CMSS1: variants seen among roughly 807,000 people sequenced by gnomAD.
CMSS1 encodes the protein cms1 ribosomal small subunit homolog.
A neutral mutation model predicts 43.5 loss-of-function variants in CMSS1; 33 were observed. That is an observed-to-expected ratio of 0.76 (90% CI 0.57 to 1.01). The LOEUF (loss-of-function observed/expected upper bound fraction) is 1.01, where lower values mean the gene tolerates loss of function less well. Among genes scored for constraint, CMSS1 ranks in the 50% least tolerant of loss-of-function variants. The pLI, the probability that CMSS1 is intolerant of heterozygous loss-of-function variation, is 0.00. For synonymous variants in CMSS1, 115 were observed against 117.2 expected (o/e 0.98, Z 0.12); for missense variants, 313 against 326.4 (o/e 0.96, Z 0.32).
At chr3:99,848,704 C>A in intron 1 of CMSS1, 1 of 1,614,162 alleles carries the variant, frequency 6.2e-7, no homozygotes, top group Middle Eastern at 1.7e-4. Context: ...AGTTAGAGAA[C>A]CACAAGACTC....
chr3:99,896,735 G>A (rs1173227077), intron 1 of CMSS1, among the ~76,000 whole-genome samples: 2 of 152,204 alleles, frequency 1.3e-5, no homozygotes, highest in African/African-American at 4.8e-5. Flanking sequence ...CCTTTGTTCA[G>A]TAGAGTTTTG....
At chr3:100,071,090 C>CTTTTTTTTTT (rs61563009) in intron 1 of CMSS1, among the ~76,000 whole-genome samples, 3 of 70,576 alleles carry the variant, frequency 4.3e-5, no homozygotes, top group African/African-American at 6.1e-5. Context: ...GCTACTCTCT[C>CTTTTTTTTTT]TTTTTTTTTT....
At chr3:99,943,924 G>C (rs187317358) in intron 1 of CMSS1, among the ~76,000 whole-genome samples, 1 of 152,254 alleles carries the variant, frequency 6.6e-6, no homozygotes, top group East Asian at 1.9e-4. Flanking sequence ...GTTTTATAGG[G>C]TTATTGGGAG....
chr3:99,924,416 A>G, intron 1 of CMSS1: 2 of 1,613,182 alleles, frequency 1.2e-6, no homozygotes. Context: ...CAACTACGAA[A>G]GAAAACATTT....
chr3:99,905,627 A>G (rs1036509832), intron 1 of CMSS1, among the ~76,000 whole-genome samples: 5 of 152,346 alleles, frequency 3.3e-5, no homozygotes, highest in Non-Finnish European at 7.4e-5. Flanking sequence ...TGTACTATAT[A>G]GTCTCTATCC....
intron 1 of CMSS1, among the ~76,000 whole-genome samples, chr3:99,951,260 G>C (rs1708168136): frequency 6.6e-6 from 1 of 152,096 alleles, no homozygotes. Flanking sequence ...CACTCTAGTA[G>C]CACTAAGACC....
rs988052480 is a variant in CMSS1, at chr3:100,179,237, C to T, written c.*849C>T. On this transcript the variant is annotated 3_prime_UTR_variant, in exon 10 of 10. Coordinates refer to ENST00000421999, the MANE Select transcript of CMSS1 (RefSeq NM_032359.4). ...CAAACCATGTCAATTCCACCCCGGC[C>T]TCTTCCAAATTTCATGTTCTTCTCA... 6.6e-6 allele frequency: 1 copy of T among 152,218 alleles called. No homozygotes were observed. The highest frequency in any genetic ancestry group is 2.1e-4 in the South Asian group (1 of 4,824). 9.4% of individuals were successfully genotyped at this position (152,218 alleles called of 1,614,324 possible).
intron 1 of CMSS1, among the ~76,000 whole-genome samples, chr3:100,090,755 T>C (rs2066089810): frequency 6.6e-6 from 1 of 152,180 alleles, no homozygotes; most frequent in Non-Finnish European, 1.5e-5. Context: ...GCACAACTTG[T>C]CTGATCACCA....
At chr3:100,008,903 G>T (rs28412784) in intron 1 of CMSS1, among the ~76,000 whole-genome samples, 2 of 152,148 alleles carry the variant, frequency 1.3e-5, no homozygotes, top group Non-Finnish European at 2.9e-5. Flanking sequence ...ATTACAAAGT[G>T]CCTACATAGT....
At chr3:100,165,561 CTAAG>C (rs903954680) in intron 4 of CMSS1, among the ~76,000 whole-genome samples, 1 of 152,080 alleles carries the variant, frequency 6.6e-6, no homozygotes, top group African/African-American at 2.4e-5. Context: ...CCAGATATGA[CTAAG>C]TAATTTTATG....
At chr3:100,098,890 T>C (rs1254030760) in intron 1 of CMSS1, among the ~76,000 whole-genome samples, 3 of 152,204 alleles carry the variant, frequency 2.0e-5, no homozygotes, top group Non-Finnish European at 4.4e-5. Context: ...ATATTTTTGA[T>C]TCATTGCCTG....
intron 6 of CMSS1, among the ~76,000 whole-genome samples, chr3:100,168,865 A>T (rs1205271788): frequency 1.4e-5 from 2 of 145,850 alleles, no homozygotes; most frequent in East Asian, 2.0e-4. Context: ...ATTACAAATT[A>T]TATATATATA....
intron 1 of CMSS1, among the ~76,000 whole-genome samples, chr3:99,941,412 C>G (rs1025640502): frequency 6.6e-6 from 1 of 152,156 alleles, no homozygotes; most frequent in Non-Finnish European, 1.5e-5. Flanking sequence ...CTTAGTAAAG[C>G]CATCTCAGAG....
At chr3:99,962,189 T>C (rs958390826) in intron 1 of CMSS1, among the ~76,000 whole-genome samples, 1 of 151,808 alleles carries the variant, frequency 6.6e-6, no homozygotes, top group African/African-American at 2.4e-5. Context: ...TTCAGGGAAG[T>C]GAGGGTGGTT....
At chr3:100,054,817 C>T (rs533338235) in intron 1 of CMSS1, among the ~76,000 whole-genome samples, 3 of 152,144 alleles carry the variant, frequency 2.0e-5, no homozygotes, top group Non-Finnish European at 2.9e-5. Flanking sequence ...CTCTCTCTCA[C>T]CATCACTGGT....
chr3:99,849,978 A>G (rs767739889), intron 1 of CMSS1: 5 of 1,612,490 alleles, frequency 3.1e-6, no homozygotes, highest in South Asian at 1.1e-5. Flanking sequence ...TGTTTTTTAA[A>G]TCATCTCTCT....
chr3:99,989,684 A>ATT (rs201683932), intron 1 of CMSS1, among the ~76,000 whole-genome samples: 64 of 58,384 alleles, frequency 1.1e-3, no homozygotes, highest in Middle Eastern at 0.015. Flanking sequence ...ATATATATAT[A>ATT]TTTTTTTTCT....
At chr3:99,943,788 G>A (rs1707923299) in intron 1 of CMSS1, among the ~76,000 whole-genome samples, 1 of 152,194 alleles carries the variant, frequency 6.6e-6, no homozygotes, top group South Asian at 2.1e-4. Context: ...GTAATAAACA[G>A]CATGGTAGAC....
chr3:100,159,342 T>C (rs1313902692), intron 2 of CMSS1, among the ~76,000 whole-genome samples: 4 of 152,254 alleles, frequency 2.6e-5, no homozygotes, highest in Non-Finnish European at 4.4e-5. Flanking sequence ...TGCGGGTCTT[T>C]GGCCCCATGT....
Sources: allele counts gnomAD v4.1 joint callset (sites outside exome capture counted in the v4.1 genomes callset), GRCh38; gene constraint gnomAD v4.1.1; transcripts MANE v1.5; gene names NCBI Gene and HGNC (gene_info 2026-07-23, HGNC 2026-07-21).